HECTD4: variants seen among roughly 807,000 people sequenced by gnomAD.
The protein encoded by HECTD4 is probable E3 ubiquitin-protein ligase HECTD4.
In HECTD4, 114 loss-of-function variants were observed where a neutral mutation model predicts 471.5. That is an observed-to-expected ratio of 0.24 (90% CI 0.21 to 0.28). The LOEUF is 0.28. Among genes scored for constraint, HECTD4 ranks in the 10% least tolerant of loss-of-function variants. The pLI, the probability that HECTD4 is intolerant of heterozygous loss-of-function variation, is 1.00. For synonymous variants in HECTD4, 2,012 were observed against 2,256.0 expected (o/e 0.89, Z 3.07); for missense variants, 3,866 against 5,651.5 (o/e 0.68, Z 10.13).
intron 1 of HECTD4, among the ~76,000 whole-genome samples, chr12:112,380,041 C>A (rs1400268877): frequency 6.6e-6 from 1 of 152,094 alleles, no homozygotes; most frequent in Non-Finnish European, 1.5e-5. Flanking sequence ...GGAAAACCAA[C>A]ATCACAGATA....
chr12:112,245,029 G>T (rs2033727073), intron 29 of HECTD4, among the ~76,000 whole-genome samples: 1 of 152,136 alleles, frequency 6.6e-6, no homozygotes, highest in African/African-American at 2.4e-5. Flanking sequence ...TAGAGACAGG[G>T]TCTTGCTCTG....
At chr12:112,324,458 A>G (rs1193416167) in intron 1 of HECTD4, among the ~76,000 whole-genome samples, 1 of 152,034 alleles carries the variant, frequency 6.6e-6, no homozygotes, top group Non-Finnish European at 1.5e-5. Context: ...CAAACAAATA[A>G]TGATTGATTA....
At chr12:112,367,341 A>AGAAG (rs2036583944) in intron 1 of HECTD4, among the ~76,000 whole-genome samples, 1 of 151,578 alleles carries the variant, frequency 6.6e-6, no homozygotes. Flanking sequence ...AAAGAAAGAA[A>AGAAG]GAAAGAAAAC....
chr12:112,264,313 G>A, intron 16 of HECTD4, 101 bp from the exon 17 acceptor site: 2 of 1,175,194 alleles, frequency 1.7e-6, no homozygotes, highest in Non-Finnish European at 2.2e-6. Context: ...AAAACAAAAA[G>A]AGAAATAAAA....
chr12:112,177,402 C>T (rs1413760765), intron 64 of HECTD4, among the ~76,000 whole-genome samples: 9 of 128,372 alleles, frequency 7.0e-5, no homozygotes, highest in Admixed American at 1.8e-4. Context: ...TTTTTTGAGA[C>T]AGAGTCTTGC....
At chr12:112,363,223 G>A (rs1395928483) in intron 1 of HECTD4, among the ~76,000 whole-genome samples, 3 of 151,626 alleles carry the variant, frequency 2.0e-5, no homozygotes, top group Admixed American at 6.6e-5. Context: ...GTATTCATGT[G>A]TATATAAAAT....
intron 7 of HECTD4, among the ~76,000 whole-genome samples, chr12:112,288,360 T>G (rs1223628418): frequency 6.7e-6 from 1 of 150,098 alleles, no homozygotes; most frequent in Non-Finnish European, 1.5e-5. Flanking sequence ...CAGTGGCTCA[T>G]GCCTGTAATC....
At chr12:112,325,299 A>G (rs2035717618) in intron 1 of HECTD4, among the ~76,000 whole-genome samples, 1 of 152,230 alleles carries the variant, frequency 6.6e-6, no homozygotes, top group Non-Finnish European at 1.5e-5. Context: ...TATAACATAC[A>G]CACTTAAATG....
chr12:112,312,640 A>G (rs1006690842), intron 4 of HECTD4, among the ~76,000 whole-genome samples: 3 of 152,200 alleles, frequency 2.0e-5, no homozygotes, highest in Admixed American at 1.3e-4. Context: ...TAACACACAC[A>G]CAATAAATTA....
intron 40 of HECTD4, 54 bp from the exon 41 acceptor site, chr12:112,229,934 G>T: frequency 6.7e-7 from 1 of 1,500,914 alleles, no homozygotes; most frequent in Non-Finnish European, 9.1e-7. Flanking sequence ...TTGTTTTGAT[G>T]CCAAGGGTGA....
At chr12:112,315,895 TAAAAAAAAAAA>T (rs570049819) in intron 2 of HECTD4, among the ~76,000 whole-genome samples, 1 of 93,044 alleles carries the variant, frequency 1.1e-5, no homozygotes, top group African/African-American at 4.1e-5. Context: ...GACCATGTCT[TAAAAAAAAAAA>T]AAAAAAAAAA....
chr12:112,246,575 C>T (rs747770774), intron 29 of HECTD4, among the ~76,000 whole-genome samples: 1 of 152,058 alleles, frequency 6.6e-6, no homozygotes, highest in Non-Finnish European at 1.5e-5. Flanking sequence ...GCGGAGGTTT[C>T]GGTGAGCCAA....
chr12:112,276,805 GT>G (rs1294506333), intron 9 of HECTD4, among the ~76,000 whole-genome samples: 1 of 152,132 alleles, frequency 6.6e-6, no homozygotes, highest in Non-Finnish European at 1.5e-5. Context: ...TCCAAAGAAG[GT>G]ATACAAATGG....
At chr12:112,187,900 A>C (rs1441106538) in intron 60 of HECTD4, among the ~76,000 whole-genome samples, 1 of 150,898 alleles carries the variant, frequency 6.6e-6, no homozygotes, top group Non-Finnish European at 1.5e-5. Flanking sequence ...TGCTGGGATT[A>C]CAGGCATGAG....
rs1445962827 is a variant in HECTD4, at chr12:112,163,909, T to A, written c.12702-172A>T. Among the ~76,000 whole-genome samples the A allele has an allele frequency of 6.6e-6, 1 of 152,220 alleles. No homozygotes were observed. The highest frequency in any genetic ancestry group is 1.5e-5 in the Non-Finnish European group (1 of 68,036). ...TCTGGTGCCGCCGCCTCAGAGCTGC[T>A]GTTTTCTTAGTAAACCCCTTCTGCT... On this transcript the variant is annotated intron_variant, in intron 73 of 75. Coordinates refer to ENST00000682272, the MANE Select transcript of HECTD4 (RefSeq NM_001388303.1). The surrounding 1 kb of genome is among the most constrained non-coding windows in gnomAD (Gnocchi z 8.2).
At chr12:112,205,328 GGAGGCT>G (rs2032544694) in intron 52 of HECTD4, among the ~76,000 whole-genome samples, 3 of 151,978 alleles carry the variant, frequency 2.0e-5, no homozygotes, top group African/African-American at 7.3e-5. Context: ...CAGCCACTCG[GGAGGCT>G]GAGGCAGGAG....
intron 1 of HECTD4, among the ~76,000 whole-genome samples, chr12:112,377,244 G>A (rs2036798028): frequency 6.6e-6 from 1 of 151,670 alleles, no homozygotes; most frequent in Non-Finnish European, 1.5e-5. Flanking sequence ...AGACCAGCCT[G>A]GACAATATAG....
At chr12:112,187,755 T>C (rs2031927350) in intron 60 of HECTD4, among the ~76,000 whole-genome samples, 1 of 150,746 alleles carries the variant, frequency 6.6e-6, no homozygotes, top group African/African-American at 2.4e-5. Flanking sequence ...GCCTCCCAAG[T>C]AGCTGGGACC....
Position 112,226,456 on chromosome 12 carries a change from T to A in HECTD4, c.6970+187A>T. 1.1e-5 allele frequency: 5 copies of A among 448,882 alleles called. No individual in the cohort carries two copies. In the South Asian group the frequency reaches 2.4e-4, roughly 22 times the overall value. The allele number at this position is 448,882 out of a possible 1,614,324, so 27.8% of individuals were successfully genotyped here. ...TGAAAAATGCTGATTTCCTAACTGG[T>A]GTAGATTAAAAGCTTTTTATTTACA... On this transcript the variant is annotated intron_variant, in intron 44 of 75. Transcript: ENST00000682272.
Sources: allele counts gnomAD v4.1 joint callset (sites outside exome capture counted in the v4.1 genomes callset), GRCh38; gene constraint gnomAD v4.1.1; non-coding constraint Gnocchi (gnomAD v3.1); transcripts MANE v1.5; gene names NCBI Gene and HGNC (gene_info 2026-07-23, HGNC 2026-07-21).